The following SOX10 variants were observed in gnomAD, a reference collection of about 807,000 sequenced individuals.
SOX10 encodes the protein transcription factor SOX-10.
SOX10 carries 3 observed loss-of-function variants against 35.0 expected under a neutral mutation model. That is an observed-to-expected ratio of 0.09 (90% CI 0.04 to 0.22). The LOEUF (loss-of-function observed/expected upper bound fraction) is 0.22. SOX10 is among the 10% of genes least tolerant of loss of function. The pLI, the probability that SOX10 is intolerant of heterozygous loss-of-function variation, is 1.00. For synonymous variants in SOX10, 285 were observed against 291.0 expected, an observed-to-expected ratio of 0.98 and a Z score of 0.21; for missense variants, 436 against 655.1, an observed-to-expected ratio of 0.67 and a Z score of 3.65.
chr22:37,976,203 A>G (rs775285068), intron 3 of SOX10, among the ~76,000 whole-genome samples: 2 of 152,220 alleles, frequency 1.3e-5, no homozygotes, highest in Non-Finnish European at 2.9e-5. Flanking sequence ...AGCCTGGGCA[A>G]CAGAGCAAGA....
rs1932459322 is a variant in SOX10 at position 37,983,336 on chromosome 22, G to A, written c.428+21C>T. The A allele has an allele frequency of 6.3e-7, 1 of 1,596,246 alleles. No individual in the cohort carries two copies. The highest frequency in any genetic ancestry group is 2.3e-5 in the East Asian group (1 of 44,084). On this transcript the variant is annotated intron_variant, in intron 2 of 3. Transcript: ENST00000396884. The surrounding 1 kb of genome is among the most constrained non-coding windows in gnomAD (Gnocchi z 9.5). ...ACCCGAAGCTAGAGGGCCCGAGCCC[G>A]GGGGGCGGTCGGGTGCTCACCTCCA...
rs768156624 is a variant in SOX10, at chr22:37,974,237, G to A, written c.698-39C>T. The A allele has an allele frequency of 3.3e-6, 5 of 1,529,166 alleles. No individual in the cohort carries two copies. The highest frequency in any genetic ancestry group is 2.0e-4 in the Middle Eastern group (1 of 5,066). The allele number at this position is 1,529,166 out of a possible 1,614,324, so 94.7% of individuals were successfully genotyped here. Reference sequence around the variant, plus strand: ...AGACAGAGAGAGAGAGCGCAAGGGGGAAGCAGGTTAGAGGCAGGTGGGCGC... The same window carrying A: ...AGACAGAGAGAGAGAGCGCAAGGGGAAAGCAGGTTAGAGGCAGGTGGGCGC... On this transcript the variant is annotated intron_variant, in intron 3 of 3. Coordinates refer to ENST00000396884, the MANE Select transcript of SOX10 (RefSeq NM_006941.4). The surrounding 1 kb of genome is among the most constrained non-coding windows in gnomAD (Gnocchi z 5.4).
intron 3 of SOX10, among the ~76,000 whole-genome samples, chr22:37,975,085 C>T (rs1369288574): frequency 6.6e-6 from 1 of 152,220 alleles, no homozygotes; most frequent in African/African-American, 2.4e-5. Flanking sequence ...CATGGGAGGG[C>T]ACTTAGAAAA....
chr22:37,983,352 C>T lies in SOX10; in HGVS notation c.428+5G>A, dbSNP rs1247712609. 1 of 1,605,784 alleles carries T rather than the reference C, an allele frequency of 6.2e-7. No homozygotes were observed. The highest frequency in any genetic ancestry group is 2.2e-5 in the East Asian group (1 of 44,606). On this transcript the variant is annotated splice_donor_5th_base_variant and intron_variant, in intron 2 of 3. Transcript: ENST00000396884. The surrounding 1 kb of genome is among the most constrained non-coding windows in gnomAD (Gnocchi z 9.5). ...CCCGAGCCCGGGGGGCGGTCGGGTG[C>T]TCACCTCCAGAGCTTGCCCAGCGTC...
chr22:37,979,427 G>A (rs1415785987), intron 2 of SOX10, among the ~76,000 whole-genome samples: 5 of 152,034 alleles, frequency 3.3e-5, no homozygotes, highest in East Asian at 1.9e-4. Context: ...TGCTGCTTGC[G>A]GGGGTGGTTG....
Position 37,974,347 on chromosome 22 carries a change from GTTTTTTTTTGTTT to G in SOX10, c.698-162_698-150del, listed in dbSNP as rs947987149. ...TTCACATTTTGGCAGCATGAGTCGGGTTTTTTTTTGTTTTTTTTTTTTGAGATGGAGTTTCGCT... is the reference window on the plus strand; with the variant it reads ...TTCACATTTTGGCAGCATGAGTCGGGTTTTTTTTTGAGATGGAGTTTCGCT... On this transcript the variant is annotated intron_variant, in intron 3 of 3. Coordinates refer to ENST00000396884, the MANE Select transcript of SOX10 (RefSeq NM_006941.4). This position sits in a 1 kb window ranked among gnomAD's most constrained non-coding sequence, Gnocchi z 5.4. 10 of 584,286 alleles carry G rather than the reference GTTTTTTTTTGTTT, an allele frequency of 1.7e-5. No homozygotes were observed. In the Admixed American group the frequency reaches 2.1e-4, roughly 13 times the overall value. The allele number at this position is 584,286 out of a possible 1,614,324, so 36.2% of individuals were successfully genotyped here.
In SOX10 at chr22:37,983,511, C is replaced by G. The variant is rs142113652; in HGVS notation, c.274G>C (p.Val92Leu). ...GYDWTLVPMP[V>L]RVNGASKSKP... ...CTTTTGCTGGCGCCGTTGACGCGCA[C>G]GGGCATGGGCACCAGCGTCCAGTCG... Residue 92 changes from valine to leucine, a missense_variant, in exon 2 of 4, where the codon GTG becomes CTG. Val to Leu is a conservative substitution (Grantham distance 32). Transcript: ENST00000396884. This position sits in a 1 kb window ranked among gnomAD's most constrained non-coding sequence, Gnocchi z 9.5. 1.6e-4 allele frequency: 254 copies of G among 1,610,164 alleles called. No homozygotes were observed. The highest frequency in any genetic ancestry group is 2.1e-4 in the Non-Finnish European group (243 of 1,178,922).
Position 37,983,703 on chromosome 22 carries a change from C to T in SOX10, c.82G>A (p.Ala28Thr). The T allele has an allele frequency of 1.3e-6, 2 of 1,515,116 alleles. No homozygotes were observed. Among genetic ancestry groups the T allele is most frequent in the Non-Finnish European group, 8.8e-7 (1 of 1,138,718 alleles). 93.9% of individuals were successfully genotyped at this position (1,515,116 alleles called of 1,614,324 possible). A position where few individuals can be genotyped will look rare whatever the true frequency, so the allele number is the denominator to read the frequency against. Residue 28 changes from alanine (A) to threonine (T), a missense_variant, in exon 2 of 4, where the codon GCG becomes ACG. Transcript: ENST00000396884. This position sits in a 1 kb window ranked among gnomAD's most constrained non-coding sequence, Gnocchi z 9.5. ...EEPRCLSPGSAPSLGPDGGGG... is the reference protein window; with the variant it reads ...EEPRCLSPGSTPSLGPDGGGG... Reference sequence around the variant, plus strand: ...CCGCCGTCGGGCCCTAGCGAGGGCGCGCTCCCCGGGGACAGGCAGCGGGGC... The same window carrying T: ...CCGCCGTCGGGCCCTAGCGAGGGCGTGCTCCCCGGGGACAGGCAGCGGGGC...
At position 37,973,269 on chromosome 22, in the gene SOX10, CCTT is replaced by C; in HGVS notation, c.*223_*225del. 4 of 515,826 alleles carry C rather than the reference CCTT, an allele frequency of 7.8e-6. No homozygotes were observed. In the South Asian group the frequency reaches 1.0e-4, roughly 13 times the overall value. 32.0% of individuals were successfully genotyped at this position (515,826 alleles called of 1,614,324 possible). A position where few individuals can be genotyped will look rare whatever the true frequency, so the allele number is the denominator to read the frequency against. On this transcript the variant is annotated 3_prime_UTR_variant, in exon 4 of 4. Coordinates refer to ENST00000396884, the MANE Select transcript of SOX10 (RefSeq NM_006941.4). ...TCAGTGTGGGTGCAACAGTCAACCT[CCTT>C]CTCCTCTGTCCAGCCTGTTCTCCTG...
At chr22:37,979,427 G>T (rs1415785987) in intron 2 of SOX10, among the ~76,000 whole-genome samples, 2 of 152,034 alleles carry the variant, frequency 1.3e-5, no homozygotes, top group African/African-American at 4.8e-5. Context: ...TGCTGCTTGC[G>T]GGGGTGGTTG....
intron 2 of SOX10, among the ~76,000 whole-genome samples, chr22:37,979,695 G>A (rs759664124): frequency 2.0e-5 from 3 of 152,078 alleles, no homozygotes; most frequent in Non-Finnish European, 4.4e-5. Context: ...CCTTGCCACC[G>A]ACTCCAGCCT....
At chr22:37,982,156 C>T (rs1310403889) in intron 2 of SOX10, among the ~76,000 whole-genome samples, 1 of 152,186 alleles carries the variant, frequency 6.6e-6, no homozygotes, top group Non-Finnish European at 1.5e-5. Context: ...CTCCTGACCA[C>T]TCCTCAAAGT....
intron 3 of SOX10, among the ~76,000 whole-genome samples, chr22:37,976,793 T>C (rs1932233472): frequency 1.3e-5 from 2 of 152,150 alleles, no homozygotes; most frequent in Non-Finnish European, 2.9e-5. Context: ...TGGAACAGAG[T>C]AGCTGCTCAA....
Position 37,983,577 on chromosome 22 carries a change from C to G in SOX10, c.208G>C (p.Val70Leu), listed in dbSNP as rs765329363. Residue 70 changes from valine (V) to leucine (L), a missense_variant, in exon 2 of 4, where the codon GTG becomes CTG. Transcript: ENST00000396884. This position sits in a 1 kb window ranked among gnomAD's most constrained non-coding sequence, Gnocchi z 9.5. ...DGEADDDKFP[V>L]CIREAVSQVL... is the part of the protein sequence containing the mutation. ...TGGCTGACGGCCTCGCGGATGCACA[C>G]GGGGAACTTGTCATCGTCCGCCTCG... The G allele has an allele frequency of 6.2e-7, 1 of 1,610,218 alleles. No individual in the cohort carries two copies. The highest frequency in any genetic ancestry group is 1.3e-5 in the African/African-American group (1 of 74,896).
intron 2 of SOX10, among the ~76,000 whole-genome samples, chr22:37,981,141 A>G (rs1932383208): frequency 6.6e-6 from 1 of 152,174 alleles, no homozygotes; most frequent in Non-Finnish European, 1.5e-5. Flanking sequence ...CACTCCACAC[A>G]GTCTGTGTGT....
At position 37,973,602 on chromosome 22, in the gene SOX10, G is replaced by C; in HGVS notation, c.1294C>G (p.Gln432Glu). ...YSAFSYMGPS[Q>E]RPLYTAISDP... ...GAGATGGCCGTGTAGAGGGGCCGCT[G>C]CGAGGGCCCCATATAGGAGAAGGCC... Residue 432 changes from glutamine (Q) to glutamate (E), a missense_variant, in exon 4 of 4, where the codon CAG becomes GAG. By Grantham distance (29) the Gln-to-Glu change is conservative. This residue lies in a region of SOX10 where 285 missense variants were observed against 402.9 expected (regional missense o/e 0.71). Coordinates refer to ENST00000396884, the MANE Select transcript of SOX10 (RefSeq NM_006941.4). The C allele has an allele frequency of 1.9e-6, 3 of 1,613,340 alleles. No individual in the cohort carries two copies. The highest frequency in any genetic ancestry group is 2.5e-6 in the Non-Finnish European group (3 of 1,179,718).
At chr22:37,976,502 G>A (rs1021391528) in intron 3 of SOX10, among the ~76,000 whole-genome samples, 16 of 152,206 alleles carry the variant, frequency 1.1e-4, no homozygotes, top group African/African-American at 3.1e-4. Flanking sequence ...GTAGGACTCA[G>A]AGCGTGTCCT....
rs1356529677 is a variant in SOX10, at chr22:37,980,431, C to T, written c.429-2296G>A. On this transcript the variant is annotated intron_variant, in intron 2 of 3. Transcript: ENST00000396884. The surrounding 1 kb of genome is among the most constrained non-coding windows in gnomAD (Gnocchi z 4.1). ...AGGGGCCAGAAGAGAGAGAGGATTC[C>T]AACATCGGATTCCGCTGCTACCTCC... 1.3e-5 allele frequency among the ~76,000 whole-genome samples: 2 copies of T among 152,134 alleles called. No individual in the cohort carries two copies. The highest frequency in any genetic ancestry group is 4.8e-5 in the African/African-American group (2 of 41,414).
chr22:37,983,625 C>T lies in SOX10; in HGVS notation c.160G>A (p.Val54Ile), dbSNP rs1202924491. The T allele has an allele frequency of 6.2e-7, 1 of 1,605,028 alleles. No homozygotes were observed. The highest frequency in any genetic ancestry group is 8.5e-7 in the Non-Finnish European group (1 of 1,178,654). ...TCGCCGTCCTGCTGCTCCTTCTTGA[C>T]CTTGCCCAGCTCGCCTGGCCCCGGG... Reference protein sequence around the residue: ...ASPGPGELGKVKKEQQDGEAD... With the variant: ...ASPGPGELGKIKKEQQDGEAD... The change falls in exon 2 of 4, where the codon GTC becomes ATC. Residue 54 changes from valine to isoleucine, a missense_variant. By Grantham distance (29) the Val-to-Ile change is conservative (BLOSUM62 3). Transcript: ENST00000396884. The surrounding 1 kb of genome is among the most constrained non-coding windows in gnomAD (Gnocchi z 9.5).
Sources: allele counts gnomAD v4.1 joint callset (sites outside exome capture counted in the v4.1 genomes callset), GRCh38; gene constraint gnomAD v4.1.1; regional missense constraint gnomAD v4.1.1; non-coding constraint Gnocchi (gnomAD v3.1); transcripts MANE v1.5; gene names NCBI Gene and HGNC (gene_info 2026-07-23, HGNC 2026-07-21).